Variants in FHIT observed in about 807,000 individuals in gnomAD.
FHIT encodes the protein fragile histidine triad diadenosine triphosphatase, also known as bis(5'-adenosyl)-triphosphatase.
In FHIT, 19 loss-of-function variants were observed where a neutral mutation model predicts 17.9. The observed-to-expected ratio is 1.06, with a 90% confidence interval of 0.74 to 1.56. The LOEUF is 1.56. Among genes scored for constraint, FHIT ranks in the 40% most tolerant of loss-of-function variants. The probability of loss-of-function intolerance (pLI) is 0.00; values close to 1 mark genes in which losing one functional copy is unlikely to be tolerated. For synonymous variants in FHIT, 81 were observed against 69.7 expected, an observed-to-expected ratio of 1.16 and a Z score of -0.81; for missense variants, 248 against 189.2, an observed-to-expected ratio of 1.31 and a Z score of -1.82.
chr3:60,889,944 C>T (rs1202830997), intron 3 of FHIT, among the ~76,000 whole-genome samples: 3 of 152,160 alleles, frequency 2.0e-5, no homozygotes, highest in Admixed American at 6.5e-5. Context: ...ATGTCTATGT[C>T]TGTGCACATA....
At chr3:59,977,578 T>C (rs1708470442) in intron 7 of FHIT, among the ~76,000 whole-genome samples, 1 of 152,186 alleles carries the variant, frequency 6.6e-6, no homozygotes, top group Admixed American at 6.5e-5. Context: ...GTGTCAGGAC[T>C]GAACAAGTAA....
chr3:60,029,897 C>CTGTGTGTGTCTGTGTGTGTGTGTGTGTG (rs1354637337), intron 5 of FHIT, among the ~76,000 whole-genome samples: 412 of 127,890 alleles, frequency 3.2e-3, no homozygotes, highest in African/African-American at 0.013. Context: ...GTGTGTGTGT[C>CTGTGTGTGTCTGTGTGTGTGTGTGTGTG]TGTGTGTGTG....
chr3:60,918,921 A>G (rs1168934511), intron 3 of FHIT, among the ~76,000 whole-genome samples: 1 of 152,140 alleles, frequency 6.6e-6, no homozygotes, highest in Non-Finnish European at 1.5e-5. Context: ...TTTACTCCCT[A>G]TTTATGATAA....
intron 5 of FHIT, among the ~76,000 whole-genome samples, chr3:60,450,612 C>T (rs978476500): frequency 6.6e-6 from 1 of 152,098 alleles, no homozygotes; most frequent in African/African-American, 2.4e-5. Flanking sequence ...AAATGAGGAG[C>T]TGCAGGTCAG....
chr3:60,791,942 T>A (rs549104082), intron 4 of FHIT, among the ~76,000 whole-genome samples: 117 of 152,334 alleles, frequency 7.7e-4, no homozygotes, highest in African/African-American at 2.5e-3. Flanking sequence ...TTTTATCATA[T>A]TCAATTGTAT....
intron 4 of FHIT, among the ~76,000 whole-genome samples, chr3:60,577,004 A>G (rs1417234602): frequency 2.7e-5 from 4 of 150,288 alleles, no homozygotes; most frequent in Non-Finnish European, 4.4e-5. Flanking sequence ...GATATAGATA[A>G]TTCAATATTC....
At chr3:60,234,135 G>A (rs1177510818) in intron 5 of FHIT, among the ~76,000 whole-genome samples, 1 of 152,144 alleles carries the variant, frequency 6.6e-6, no homozygotes, top group Non-Finnish European at 1.5e-5. Flanking sequence ...TAGCATAAAA[G>A]TAGGATTCCA....
intron 5 of FHIT, among the ~76,000 whole-genome samples, chr3:60,039,451 G>A (rs1217931649): frequency 6.6e-6 from 1 of 152,158 alleles, no homozygotes; most frequent in Non-Finnish European, 1.5e-5. Context: ...AACAAAGCTA[G>A]GTGATGGAAA....
chr3:60,753,573 T>C (rs1446216332), intron 4 of FHIT, among the ~76,000 whole-genome samples: 2 of 152,254 alleles, frequency 1.3e-5, no homozygotes, highest in African/African-American at 2.4e-5. Flanking sequence ...AGACATGCCA[T>C]TCTTCTCTTG....
intron 4 of FHIT, among the ~76,000 whole-genome samples, chr3:60,747,487 A>C (rs2042382356): frequency 1.3e-5 from 2 of 152,244 alleles, no homozygotes; most frequent in African/African-American, 4.8e-5. Flanking sequence ...ATTTTTGCTG[A>C]ATAAATAAAA....
At chr3:59,995,628 T>C (rs1303073026) in intron 7 of FHIT, among the ~76,000 whole-genome samples, 1 of 152,144 alleles carries the variant, frequency 6.6e-6, no homozygotes, top group Non-Finnish European at 1.5e-5. Flanking sequence ...AGTAACATAA[T>C]GCTCCTTGAT....
intron 2 of FHIT, among the ~76,000 whole-genome samples, chr3:61,145,831 A>G (rs551834124): frequency 6.6e-6 from 1 of 152,208 alleles, no homozygotes; most frequent in African/African-American, 2.4e-5. Context: ...GTATATAGAA[A>G]TAAGATTTAT....
chr3:60,686,590 A>G (rs1559639937), intron 4 of FHIT, among the ~76,000 whole-genome samples: 1 of 151,966 alleles, frequency 6.6e-6, no homozygotes, highest in Non-Finnish European at 1.5e-5. Flanking sequence ...GAAAATCTAT[A>G]TTGATATTAT....
intron 5 of FHIT, among the ~76,000 whole-genome samples, chr3:60,314,616 G>C (rs1239345566): frequency 6.6e-6 from 1 of 152,196 alleles, no homozygotes; most frequent in African/African-American, 2.4e-5. Context: ...AGAAAGTTTT[G>C]AGAGTAATGA....
At chr3:60,804,240 C>T (rs1559735836) in intron 4 of FHIT, among the ~76,000 whole-genome samples, 3 of 152,196 alleles carry the variant, frequency 2.0e-5, no homozygotes, top group African/African-American at 7.2e-5. Context: ...AAGGGCACTG[C>T]GATCCCCCTC....
intron 5 of FHIT, among the ~76,000 whole-genome samples, chr3:60,487,380 A>G (rs999991343): frequency 1.3e-5 from 2 of 152,206 alleles, no homozygotes; most frequent in Non-Finnish European, 2.9e-5. Flanking sequence ...CTTAAGTGTG[A>G]TTACTGCTCA....
At chr3:60,995,275 G>C (rs569397090) in intron 3 of FHIT, among the ~76,000 whole-genome samples, 8 of 152,126 alleles carry the variant, frequency 5.3e-5, no homozygotes, top group Non-Finnish European at 1.0e-4. Context: ...AGCCGAGATC[G>C]TGCCACTGCA....
chr3:60,119,719 A>G (rs1414959070), intron 5 of FHIT, among the ~76,000 whole-genome samples: 1 of 152,168 alleles, frequency 6.6e-6, no homozygotes, highest in Admixed American at 6.5e-5. Context: ...CTCATTGAGT[A>G]CTGGTGACTC....
At chr3:59,898,202 A>G (rs950503322) in intron 8 of FHIT, among the ~76,000 whole-genome samples, 1 of 152,150 alleles carries the variant, frequency 6.6e-6, no homozygotes, top group African/African-American at 2.4e-5. Context: ...ATTACATACA[A>G]TTATCTTCAG....
Sources: allele counts gnomAD v4.1 joint callset (sites outside exome capture counted in the v4.1 genomes callset), GRCh38; gene constraint gnomAD v4.1.1; transcripts MANE v1.5; gene names NCBI Gene and HGNC (gene_info 2026-07-23, HGNC 2026-07-21).